Variants in NEBL observed in about 807,000 individuals in gnomAD.
NEBL encodes the protein nebulette.
Under a neutral mutation model 140.2 loss-of-function variants are expected in NEBL, and 122 were observed. The observed-to-expected ratio is 0.87, with a 90% CI of 0.75 to 1.01. The LOEUF is 1.01. Among genes scored for constraint, NEBL ranks in the 50% least tolerant of loss-of-function variants. The pLI is 0.00. For missense variants in NEBL, 1,365 were observed against 1,231.3 expected (o/e 1.11, Z -1.62); for synonymous variants, 436 against 398.9 (o/e 1.09, Z -1.11).
chr10:20,793,704 C>T (rs548367326), intron 26 of NEBL, among the ~76,000 whole-genome samples: 67 of 152,202 alleles, frequency 4.4e-4, no homozygotes, highest in Non-Finnish European at 7.9e-4. Context: ...CAGGTGCATG[C>T]TACCACACCC....
At chr10:20,900,553 G>A (rs1230943150), upstream of NEBL, among the ~76,000 whole-genome samples, 1 of 151,390 alleles carries the variant, frequency 6.6e-6, no homozygotes, top group Non-Finnish European at 1.5e-5. Flanking sequence ...GCTGGGTGCG[G>A]TGGTTCACGC....
intron 19 of NEBL, among the ~76,000 whole-genome samples, chr10:20,821,838 C>T (rs1378427820): frequency 6.6e-6 from 1 of 152,180 alleles, no homozygotes; most frequent in Non-Finnish European, 1.5e-5. Context: ...CCCAAGTACT[C>T]ATCACACTAA....
chr10:20,798,843 T>C (rs1332453730), intron 26 of NEBL, among the ~76,000 whole-genome samples: 2 of 152,164 alleles, frequency 1.3e-5, no homozygotes, highest in Non-Finnish European at 2.9e-5. Context: ...GAAAGACACA[T>C]GTGCATTCTA....
At chr10:20,856,259 G>T (rs924981030) in intron 9 of NEBL, among the ~76,000 whole-genome samples, 37 of 152,188 alleles carry the variant, frequency 2.4e-4, no homozygotes, top group Non-Finnish European at 4.1e-4. Context: ...CTGTTGAAGA[G>T]ATGATAGAAA....
intron 1 of NEBL, among the ~76,000 whole-genome samples, chr10:21,254,525 C>G (rs1306079772): frequency 6.6e-6 from 1 of 152,118 alleles, no homozygotes; most frequent in Non-Finnish European, 1.5e-5. Context: ...CTCACTGCAA[C>G]CTCTGCCTCC....
rs573480419 is a variant in NEBL, at chr10:20,872,032, G to T, written c.481-2191C>A. ...ACATTCATATGAAAACCGCAGGGGG[G>T]AAATGTCTTTTTGTTTAGAAAAGAA... On this transcript the variant is annotated intron_variant, in intron 5 of 27. Coordinates refer to ENST00000377122, the MANE Select transcript of NEBL (RefSeq NM_006393.3). 3.4e-3 allele frequency among the ~76,000 whole-genome samples: 518 copies of T among 152,244 alleles called. 2 individuals carry two copies. Among genetic ancestry groups the T allele is most frequent in the Non-Finnish European group, 6.1e-3 (412 of 68,006 alleles).
intron 4 of NEBL, among the ~76,000 whole-genome samples, chr10:20,934,491 G>A (rs906498271): frequency 6.6e-6 from 1 of 152,154 alleles, no homozygotes; most frequent in Non-Finnish European, 1.5e-5. Context: ...ATTCTAGCCT[G>A]TGGAATATGG....
chr10:21,221,927 C>A (rs1842073627), intron 3 of NEBL, among the ~76,000 whole-genome samples: 1 of 151,904 alleles, frequency 6.6e-6, no homozygotes, highest in South Asian at 2.1e-4. Flanking sequence ...CCCATCCTGA[C>A]TGCATGGCGT....
intron 4 of NEBL, among the ~76,000 whole-genome samples, chr10:20,943,496 G>A (rs1232267919): frequency 6.6e-6 from 1 of 152,068 alleles, no homozygotes; most frequent in African/African-American, 2.4e-5. Context: ...GTTAATTGAC[G>A]AGTTAATGGG....
intron 1 of NEBL, among the ~76,000 whole-genome samples, chr10:21,256,416 T>G (rs561922184): frequency 6.6e-6 from 1 of 152,340 alleles, no homozygotes; most frequent in Non-Finnish European, 1.5e-5. Flanking sequence ...CTGAAGCCAG[T>G]TGATACTGTC....
intron 3 of NEBL, among the ~76,000 whole-genome samples, chr10:21,215,721 C>G (rs1439179595): frequency 6.6e-6 from 1 of 152,188 alleles, no homozygotes. Context: ...AACGCAGTAG[C>G]ACAATCACAG....
chr10:21,099,170 T>C (rs1447586948), intron 2 of NEBL, among the ~76,000 whole-genome samples: 1 of 152,188 alleles, frequency 6.6e-6, no homozygotes, highest in Non-Finnish European at 1.5e-5. Flanking sequence ...GTGAAGCATA[T>C]ATACCTTTTT....
At chr10:21,095,647 C>T (rs1265026664) in intron 2 of NEBL, among the ~76,000 whole-genome samples, 1 of 152,176 alleles carries the variant, frequency 6.6e-6, no homozygotes. Flanking sequence ...TTTTTGAAAT[C>T]AATTCATCTT....
At chr10:20,917,956 A>G (rs1354356238) in intron 4 of NEBL, among the ~76,000 whole-genome samples, 1 of 152,246 alleles carries the variant, frequency 6.6e-6, no homozygotes, top group Non-Finnish European at 1.5e-5. Context: ...GAGGATGAAC[A>G]TTTCTGGTAA....
intron 3 of NEBL, among the ~76,000 whole-genome samples, chr10:21,003,247 T>G (rs942484061): frequency 6.6e-6 from 1 of 152,152 alleles, no homozygotes; most frequent in Non-Finnish European, 1.5e-5. Flanking sequence ...TCTCCCACCC[T>G]GGGGAACACA....
At chr10:21,153,130 T>C (rs1397059275) in intron 2 of NEBL, among the ~76,000 whole-genome samples, 2 of 152,204 alleles carry the variant, frequency 1.3e-5, no homozygotes, top group Non-Finnish European at 2.9e-5. Context: ...TTATATGCAT[T>C]ATCTCATGTA....
At chr10:21,214,179 G>GTA (rs1478099398) in intron 3 of NEBL, among the ~76,000 whole-genome samples, 7 of 151,366 alleles carry the variant, frequency 4.6e-5, no homozygotes, top group African/African-American at 1.7e-4. Context: ...TGATATAGAT[G>GTA]TATATATATC....
At chr10:21,126,525 T>A (rs1838843486) in intron 2 of NEBL, among the ~76,000 whole-genome samples, 1 of 152,156 alleles carries the variant, frequency 6.6e-6, no homozygotes, top group Admixed American at 6.5e-5. Flanking sequence ...TCGTAGAATA[T>A]TAGCATACAC....
chr10:21,127,476 C>T (rs985418260), intron 2 of NEBL, among the ~76,000 whole-genome samples: 3 of 151,828 alleles, frequency 2.0e-5, no homozygotes, highest in Admixed American at 6.6e-5. Flanking sequence ...TCTTAACTCA[C>T]TGAAGTTGGG....
Sources: gnomAD v4.1 joint callset for allele counts (sites outside exome capture counted in the v4.1 genomes callset) on GRCh38, gnomAD v4.1.1 for gene constraint, MANE v1.5 for transcripts, NCBI Gene and HGNC (gene_info 2026-07-23, HGNC 2026-07-21) for gene names.